CNGA1: variants seen among roughly 807,000 people sequenced by gnomAD.
CNGA1 encodes the protein cyclic nucleotide gated channel subunit alpha 1.
CNGA1 carries 53 observed loss-of-function variants against 69.7 expected under a neutral mutation model. The observed-to-expected ratio is 0.76, with a 90% CI of 0.61 to 0.96. CNGA1 has a LOEUF of 0.96. CNGA1 is among the 40% of genes least tolerant of loss of function. The probability of loss-of-function intolerance (pLI) is 0.00; values close to 1 mark genes in which losing one functional copy is unlikely to be tolerated. For missense variants in CNGA1, 739 were observed against 811.2 expected, an observed-to-expected ratio of 0.91 and a Z score of 1.08; for synonymous variants, 249 against 283.5, an observed-to-expected ratio of 0.88 and a Z score of 1.22.
intron 3 of CNGA1, among the ~76,000 whole-genome samples, chr4:47,953,974 T>G (rs1158804211): frequency 1.3e-5 from 2 of 152,106 alleles, no homozygotes; most frequent in Admixed American, 1.3e-4. Context: ...TTGCATTTTC[T>G]GAGACCACTC....
chr4:47,990,770 C>G (rs190411424), intron 2 of CNGA1, among the ~76,000 whole-genome samples: 229 of 152,258 alleles, frequency 1.5e-3, no homozygotes, highest in Middle Eastern at 0.014. Flanking sequence ...ATTTCTCAGA[C>G]CAGCCAACAC....
rs55895627 is a variant in CNGA1 at position 47,962,422 on chromosome 4, G to GA, written c.-14-9720dup. On this transcript the variant is annotated intron_variant, in intron 3 of 10. Transcript: ENST00000514170. ...GTTGAATAAATATATTGTTGAAAATGAAAAAAAAAAGTATACGTTTTTAGT... is the reference window on the plus strand; with the variant it reads ...GTTGAATAAATATATTGTTGAAAATGAAAAAAAAAAAGTATACGTTTTTAGT... Among the ~76,000 whole-genome samples the GA allele has an allele frequency of 5.4e-3, 804 of 149,858 alleles. 2 individuals are homozygous for GA. The highest frequency in any genetic ancestry group is 0.01 in the Middle Eastern group (3 of 290).
chr4:47,984,341 G>A (rs568244908), intron 2 of CNGA1, among the ~76,000 whole-genome samples: 7 of 152,162 alleles, frequency 4.6e-5, no homozygotes, highest in Non-Finnish European at 5.9e-5. Flanking sequence ...CTTGAGGCCC[G>A]GTGTGGTGGC....
chr4:48,007,681 T>A (rs917713273), intron 2 of CNGA1, among the ~76,000 whole-genome samples: 4 of 151,686 alleles, frequency 2.6e-5, no homozygotes, highest in East Asian at 1.9e-4. Flanking sequence ...AAAAAAAAAA[T>A]TTAATCTCAG....
intron 2 of CNGA1, among the ~76,000 whole-genome samples, chr4:48,003,167 C>T (rs1172020925): frequency 6.6e-6 from 1 of 152,252 alleles, no homozygotes; most frequent in East Asian, 1.9e-4. Flanking sequence ...AAGGTGAACA[C>T]TGGTTCTGTC....
At chr4:47,948,038 G>A (rs1739510950) in intron 6 of CNGA1, among the ~76,000 whole-genome samples, 1 of 152,174 alleles carries the variant, frequency 6.6e-6, no homozygotes, top group South Asian at 2.1e-4. Flanking sequence ...CAAATATATT[G>A]ATAAGAACTG....
chr4:48,014,952 C>T (rs1715312600), intron 1 of CNGA1, among the ~76,000 whole-genome samples: 1 of 152,034 alleles, frequency 6.6e-6, no homozygotes, highest in Non-Finnish European at 1.5e-5. Context: ...GTAGGCGGAT[C>T]ACGAGGTCAG....
chr4:47,937,176 A>T lies in CNGA1; in HGVS notation c.1306T>A (p.Tyr436Asn), dbSNP rs1738712262. Residue 436 changes from tyrosine to asparagine, a missense_variant, in exon 11 of 11, where the codon TAC (tyrosine) becomes AAC (asparagine). Tyr to Asn is a moderately radical substitution (Grantham distance 143). Coordinates refer to ENST00000514170, the MANE Select transcript of CNGA1 (RefSeq NM_001379270.1). ...ACTGTTTTTTTGTTGGTCCACAGGT[A>T]GTCAAACCATTTAATAACCCTCTTT... is the stretch of plus-strand genomic sequence containing the variant. The part of the protein sequence containing the change: ...MEKRVIKWFD[Y>N]LWTNKKTVDE... 1 of 1,614,130 alleles carries T rather than the reference A, an allele frequency of 6.2e-7. No homozygotes were observed. The highest frequency in any genetic ancestry group is 8.5e-7 in the Non-Finnish European group (1 of 1,180,062).
chr4:47,971,634 G>A (rs1741046239), intron 3 of CNGA1, among the ~76,000 whole-genome samples: 2 of 152,246 alleles, frequency 1.3e-5, no homozygotes, highest in South Asian at 4.2e-4. Context: ...GCTCACGCTT[G>A]CAATCCCAGC....
At chr4:48,014,868 T>A (rs540161775) in intron 1 of CNGA1, among the ~76,000 whole-genome samples, 1 of 152,228 alleles carries the variant, frequency 6.6e-6, no homozygotes, top group Admixed American at 6.5e-5. Flanking sequence ...AAAGAAAACG[T>A]TTAAATAGAA....
chr4:47,955,074 G>A (rs893861), intron 3 of CNGA1, among the ~76,000 whole-genome samples: 129,502 of 151,978 alleles, frequency 0.85, 55,495 homozygotes, highest in East Asian at 0.98. Context: ...TCCTAATTTT[G>A]TTACTTAACA....
At chr4:47,977,254 A>G (rs1052010712) in intron 3 of CNGA1, among the ~76,000 whole-genome samples, 3 of 152,154 alleles carry the variant, frequency 2.0e-5, no homozygotes, top group Non-Finnish European at 4.4e-5. Context: ...TGTCCTTATA[A>G]GAAGAGGAAA....
chr4:47,943,550 GA>G, intron 6 of CNGA1, 138 bp from the exon 7 acceptor site: 1 of 544,562 alleles, frequency 1.8e-6, no homozygotes. Flanking sequence ...TCTCTTACTG[GA>G]GGTTTCTACC....
At chr4:47,965,337 A>G (rs1248227033) in intron 3 of CNGA1, among the ~76,000 whole-genome samples, 1 of 152,192 alleles carries the variant, frequency 6.6e-6, no homozygotes, top group East Asian at 1.9e-4. Flanking sequence ...TCATAGAAAT[A>G]ATCATATTTT....
intron 10 of CNGA1, among the ~76,000 whole-genome samples, chr4:47,938,699 A>G (rs1738850990): frequency 6.6e-6 from 1 of 151,916 alleles, no homozygotes; most frequent in African/African-American, 2.4e-5. Flanking sequence ...CCCTAAGTCC[A>G]TCTTTTGTTG....
intron 3 of CNGA1, among the ~76,000 whole-genome samples, chr4:47,968,804 G>A (rs958052817): frequency 6.6e-6 from 1 of 152,146 alleles, no homozygotes; most frequent in African/African-American, 2.4e-5. Context: ...CAGGAGAAAG[G>A]CTTCCTATTC....
At chr4:47,997,071 A>G (rs1742501364) in intron 2 of CNGA1, among the ~76,000 whole-genome samples, 1 of 152,142 alleles carries the variant, frequency 6.6e-6, no homozygotes, top group Non-Finnish European at 1.5e-5. Context: ...AAAAAAACAA[A>G]AACTTAGGTA....
intron 2 of CNGA1, among the ~76,000 whole-genome samples, chr4:48,004,661 A>T (rs1255562365): frequency 6.6e-6 from 1 of 152,184 alleles, no homozygotes; most frequent in Non-Finnish European, 1.5e-5. Flanking sequence ...GAAGGGAGAA[A>T]AACAAGAACA....
chr4:47,992,207 T>C (rs1052338803), intron 2 of CNGA1, among the ~76,000 whole-genome samples: 14 of 152,016 alleles, frequency 9.2e-5, no homozygotes, highest in Admixed American at 2.6e-4. Context: ...TGAAGAATGA[T>C]GGTGGTATTT....
Sources: allele counts gnomAD v4.1 joint callset (sites outside exome capture counted in the v4.1 genomes callset), GRCh38; gene constraint gnomAD v4.1.1; transcripts MANE v1.5; gene names NCBI Gene and HGNC (gene_info 2026-07-23, HGNC 2026-07-21).